DGKG: variants seen among roughly 807,000 people sequenced by gnomAD.
The protein encoded by DGKG is diacylglycerol kinase gamma, also known as DAG kinase gamma.
Under a neutral mutation model 105.3 loss-of-function variants are expected in DGKG, and 78 were observed. The ratio of observed to expected loss-of-function variants is 0.74; its 90% CI spans 0.62 to 0.89. DGKG has a LOEUF of 0.89. Among genes scored for constraint, DGKG ranks in the 40% least tolerant of loss-of-function variants. The pLI is 0.00. For missense variants in DGKG, 958 were observed against 1,020.1 expected (o/e 0.94, Z 0.83); for synonymous variants, 346 against 367.1 (o/e 0.94, Z 0.66).
At chr3:186,185,004 A>G (rs1407315965) in intron 22 of DGKG, among the ~76,000 whole-genome samples, 1 of 152,230 alleles carries the variant, frequency 6.6e-6, no homozygotes, top group African/African-American at 2.4e-5. Context: ...CGGAACTGTA[A>G]GGAATCTTAA....
chr3:186,205,493 T>C (rs1037963028), intron 21 of DGKG, among the ~76,000 whole-genome samples: 2 of 152,070 alleles, frequency 1.3e-5, no homozygotes, highest in African/African-American at 4.8e-5. Flanking sequence ...GTGGGTCACC[T>C]GAGGTTAGGA....
chr3:186,357,409 G>A lies in DGKG; in HGVS notation c.-249+4537C>T, dbSNP rs992190208. Among the ~76,000 whole-genome samples the A allele has an allele frequency of 5.3e-5, 8 of 152,008 alleles. No individual in the cohort carries two copies. The South Asian group carries it at 1.5e-3, about 28-fold the overall frequency. ...AGTTATTGAGGCAGTAAAGCAAAAG[G>A]TCCAAGAAAAAAAGAGAAGATAAAT... On this transcript the variant is annotated intron_variant, in intron 1 of 24. Coordinates refer to ENST00000265022, the MANE Select transcript of DGKG (RefSeq NM_001346.3).
At chr3:186,311,350 G>T (rs951737682) in intron 2 of DGKG, among the ~76,000 whole-genome samples, 1 of 152,168 alleles carries the variant, frequency 6.6e-6, no homozygotes, top group Admixed American at 6.5e-5. Flanking sequence ...TAAAATTGCT[G>T]TGCTTGGCAG....
At chr3:186,265,131 G>C (rs1401243706) in intron 14 of DGKG, 116 bp downstream of exon 14, 1 of 949,982 alleles carries the variant, frequency 1.1e-6, no homozygotes, top group African/African-American at 1.6e-5. Flanking sequence ...GGTATAATTA[G>C]TCAGATGAGA....
intron 3 of DGKG, among the ~76,000 whole-genome samples, chr3:186,304,079 C>T (rs865917469): frequency 1.3e-5 from 2 of 152,172 alleles, no homozygotes; most frequent in Non-Finnish European, 1.5e-5. Context: ...GAGGCGAGGG[C>T]GGCTGCGTGC....
chr3:186,163,116 C>T (rs2108478242), intron 23 of DGKG, among the ~76,000 whole-genome samples: 1 of 152,248 alleles, frequency 6.6e-6, no homozygotes. Flanking sequence ...AGCGATCCTC[C>T]TACCTCAACC....
chr3:186,173,368 A>G (rs1044956568), intron 22 of DGKG, among the ~76,000 whole-genome samples: 1 of 152,248 alleles, frequency 6.6e-6, no homozygotes, highest in Non-Finnish European at 1.5e-5. Flanking sequence ...TCATTGTGCT[A>G]CTGAGAAGCT....
intron 1 of DGKG, among the ~76,000 whole-genome samples, chr3:186,341,565 A>G (rs1249745865): frequency 6.6e-6 from 1 of 152,226 alleles, no homozygotes; most frequent in Non-Finnish European, 1.5e-5. Context: ...AACAAAGACA[A>G]GAGAGGGAAG....
Position 186,148,343 on chromosome 3 carries a change from T to A in DGKG, c.*1747A>T, listed in dbSNP as rs890678125. 4.1e-6 allele frequency: 4 copies of A among 985,326 alleles called. No individual in the cohort carries two copies. The highest frequency in any genetic ancestry group is 1.7e-5 in the African/African-American group (1 of 57,240). The allele number at this position is 985,326 out of a possible 1,614,324, so 61.0% of individuals were successfully genotyped here. A position where few individuals can be genotyped will look rare whatever the true frequency, so the allele number is the denominator to read the frequency against. On this transcript the variant is annotated 3_prime_UTR_variant, in exon 25 of 25. Coordinates refer to ENST00000265022, the MANE Select transcript of DGKG (RefSeq NM_001346.3). ...TTGTTTCCAAACTAAGAGACTATGA[T>A]GACCATGATGAGGTGACATGTGGAG...
chr3:186,156,712 T>C (rs776514989), intron 24 of DGKG, among the ~76,000 whole-genome samples: 2 of 152,064 alleles, frequency 1.3e-5, no homozygotes, highest in Non-Finnish European at 2.9e-5. Context: ...TCATGCATTT[T>C]ACACAGTTCA....
intron 20 of DGKG, among the ~76,000 whole-genome samples, chr3:186,235,214 A>C (rs1049550766): frequency 6.6e-6 from 1 of 152,250 alleles, no homozygotes; most frequent in Non-Finnish European, 1.5e-5. Flanking sequence ...AGCACAAAAC[A>C]TAAGGTTTGT....
Position 186,251,795 on chromosome 3 carries a change from T to C in DGKG, c.1725A>G (p.Pro575=). Residue 575 remains proline (P), a synonymous_variant, in exon 19 of 25, where the codon CCA becomes CCG. Coordinates refer to ENST00000265022, the MANE Select transcript of DGKG (RefSeq NM_001346.3). ...REEVENGDQV[P]YSIMNNYFSI... is the part of the protein sequence containing the mutation. ...AGAAATAGTTGTTCATGATGCTGTA[T>C]GGGACCTGGTCCCCGTTTTCCACTT... is the stretch of plus-strand genomic sequence containing the variant. The C allele has an allele frequency of 6.2e-7, 1 of 1,614,214 alleles. No individual in the cohort carries two copies. The highest frequency in any genetic ancestry group is 1.3e-5 in the African/African-American group (1 of 75,060).
intron 22 of DGKG, among the ~76,000 whole-genome samples, chr3:186,179,567 G>A (rs760995457): frequency 2.6e-5 from 4 of 152,202 alleles, no homozygotes; most frequent in Non-Finnish European, 4.4e-5. Context: ...TAGGCAGCCT[G>A]TGATTCTGGG....
intron 2 of DGKG, among the ~76,000 whole-genome samples, chr3:186,311,716 G>C (rs940472860): frequency 6.6e-6 from 1 of 152,120 alleles, no homozygotes; most frequent in Non-Finnish European, 1.5e-5. Flanking sequence ...ACAGGGGTGC[G>C]TTCCATCTGA....
At chr3:186,195,818 G>T (rs1472887908) in intron 21 of DGKG, among the ~76,000 whole-genome samples, 3 of 152,116 alleles carry the variant, frequency 2.0e-5, no homozygotes, top group Non-Finnish European at 4.4e-5. Flanking sequence ...AGATCTACAG[G>T]CTTGACTAGA....
chr3:186,193,443 C>G (rs1718003454), intron 21 of DGKG, among the ~76,000 whole-genome samples: 1 of 152,230 alleles, frequency 6.6e-6, no homozygotes, highest in Non-Finnish European at 1.5e-5. Flanking sequence ...GTTCCCCAAC[C>G]TCTGTGCCAT....
At chr3:186,335,302 A>G (rs1477995439) in intron 1 of DGKG, among the ~76,000 whole-genome samples, 1 of 152,074 alleles carries the variant, frequency 6.6e-6, no homozygotes, top group Non-Finnish European at 1.5e-5. Flanking sequence ...GTCTCGAACT[A>G]CTAACCTTGT....
At position 186,149,998 on chromosome 3, in the gene DGKG, G is replaced by A. The variant is rs776156053; in HGVS notation, c.*92C>T. On this transcript the variant is annotated 3_prime_UTR_variant, in exon 25 of 25. Coordinates refer to ENST00000265022, the MANE Select transcript of DGKG (RefSeq NM_001346.3). The stretch of plus-strand genomic sequence containing the variant: ...GAAGAGTGTGTATGTGTGTGTGTGT[G>A]TGCATGTGTGAGTGTGCACATAAAT... The A allele has an allele frequency of 1.1e-4, 165 of 1,507,206 alleles. No homozygotes were observed. Among genetic ancestry groups the A allele is most frequent in the Middle Eastern group, 1.7e-4 (1 of 5,764 alleles). The allele number at this position is 1,507,206 out of a possible 1,614,324, so 93.4% of individuals were successfully genotyped here. A position where few individuals can be genotyped will look rare whatever the true frequency, so the allele number is the denominator to read the frequency against.
intron 14 of DGKG, among the ~76,000 whole-genome samples, chr3:186,263,655 AT>A (rs34266987): frequency 0.27 from 39,444 of 146,566 alleles, 5,191 homozygotes; most frequent in African/African-American, 0.31. Context: ...GTTCATTTGT[AT>A]TTTTTTTTTT....
Sources: allele counts gnomAD v4.1 joint callset (sites outside exome capture counted in the v4.1 genomes callset), GRCh38; gene constraint gnomAD v4.1.1; transcripts MANE v1.5; gene names NCBI Gene and HGNC (gene_info 2026-07-23, HGNC 2026-07-21).